LRRC58: variants seen among roughly 807,000 people sequenced by gnomAD.
The protein encoded by LRRC58 is leucine-rich repeat-containing protein 58.
A neutral mutation model predicts 30.6 loss-of-function variants in LRRC58; 18 were observed. That is an observed-to-expected ratio of 0.59 (90% CI 0.41 to 0.87). The LOEUF (loss-of-function observed/expected upper bound fraction) is 0.87, where lower values mean the gene tolerates loss of function less well. Among genes scored for constraint, LRRC58 ranks in the 40% least tolerant of loss-of-function variants. The pLI is 0.00. For synonymous variants in LRRC58, 221 were observed against 206.0 expected, an observed-to-expected ratio of 1.07 and a Z score of -0.62; for missense variants, 420 against 468.4, an observed-to-expected ratio of 0.90 and a Z score of 0.95.
intron 1 of LRRC58, among the ~76,000 whole-genome samples, chr3:120,340,261 T>G (rs537805145): frequency 6.6e-6 from 1 of 152,340 alleles, no homozygotes; most frequent in East Asian, 1.9e-4. Flanking sequence ...GGAAAATAAC[T>G]CAGTAAAATC....
rs1394923716 is a variant in LRRC58 at position 120,349,214 on chromosome 3, C to G, written c.30G>C (p.Thr10=). The G allele has an allele frequency of 2.1e-6, 3 of 1,433,132 alleles. No individual in the cohort carries two copies. The African/African-American group carries it at 4.5e-5, about 21-fold the overall frequency. The allele number at this position is 1,433,132 out of a possible 1,614,324, so 88.8% of individuals were successfully genotyped here. The change falls in exon 1 of 4, where the codon ACG becomes ACC. Residue 10 remains threonine (T), a synonymous_variant. Transcript: ENST00000295628. ...ACCAGTTCAGTTCGGCCTCCCCGGCCGTGACCACCGCTGCTCCGGCCTCCT... is the reference window on the plus strand; with the variant it reads ...ACCAGTTCAGTTCGGCCTCCCCGGCGGTGACCACCGCTGCTCCGGCCTCCT... The part of the protein sequence containing the change: MEEAGAAVV[T]AGEAELNWSR...
intron 1 of LRRC58, among the ~76,000 whole-genome samples, chr3:120,346,403 T>A (rs973397765): frequency 3.9e-5 from 6 of 152,198 alleles, no homozygotes; most frequent in African/African-American, 1.4e-4. Context: ...TCAAATACAG[T>A]TCCAATGCTT....
At chr3:120,339,897 T>C (rs1206795702) in intron 1 of LRRC58, among the ~76,000 whole-genome samples, 1 of 152,178 alleles carries the variant, frequency 6.6e-6, no homozygotes, top group Non-Finnish European at 1.5e-5. Flanking sequence ...GGAGTCTTGC[T>C]CTGTTACCTA....
At chr3:120,347,144 T>C (rs1935978180) in intron 1 of LRRC58, among the ~76,000 whole-genome samples, 1 of 152,186 alleles carries the variant, frequency 6.6e-6, no homozygotes, top group Non-Finnish European at 1.5e-5. Context: ...CATAGTTAGT[T>C]GTTTAATGTC....
Position 120,328,232 on chromosome 3 carries a change from A to T in LRRC58, c.*2968T>A, listed in dbSNP as rs1401801297. On this transcript the variant is annotated 3_prime_UTR_variant, in exon 4 of 4. Coordinates refer to ENST00000295628, the MANE Select transcript of LRRC58 (RefSeq NM_001099678.2). ...GCCAGCTGGTCCTTAATGTCAGCCA[A>T]TCCCTGGCACCCTGGAATCAATGTA... The T allele has an allele frequency of 1.3e-5, 2 of 152,186 alleles. No homozygotes were observed. The highest frequency in any genetic ancestry group is 4.8e-5 in the African/African-American group (2 of 41,438). The allele number at this position is 152,186 out of a possible 1,614,324, so 9.4% of individuals were successfully genotyped here. A position where few individuals can be genotyped will look rare whatever the true frequency, so the allele number is the denominator to read the frequency against.
intron 1 of LRRC58, among the ~76,000 whole-genome samples, chr3:120,342,615 C>T (rs1935918039): frequency 6.6e-6 from 1 of 152,180 alleles, no homozygotes; most frequent in African/African-American, 2.4e-5. Context: ...CTTGAAGGGA[C>T]CACCTGCCTA....
At chr3:120,332,415 AT>A (rs1376914537) in intron 3 of LRRC58, among the ~76,000 whole-genome samples, 4 of 152,206 alleles carry the variant, frequency 2.6e-5, no homozygotes, top group Non-Finnish European at 4.4e-5. Flanking sequence ...TGTAGTAAGT[AT>A]AAAAAAGGCG....
chr3:120,347,683 G>A (rs1195275851), intron 1 of LRRC58, among the ~76,000 whole-genome samples: 2 of 152,030 alleles, frequency 1.3e-5, no homozygotes, highest in Non-Finnish European at 2.9e-5. Flanking sequence ...GAGCCACCGC[G>A]CCCGGCCTTC....
chr3:120,343,568 T>C (rs1050703706), intron 1 of LRRC58, among the ~76,000 whole-genome samples: 2 of 152,212 alleles, frequency 1.3e-5, no homozygotes, highest in Non-Finnish European at 2.9e-5. Flanking sequence ...GACCTTAAAA[T>C]TGTCTCTTGA....
intron 1 of LRRC58, 24 bp downstream of exon 1, chr3:120,348,715 TCCCCA>T: frequency 6.6e-7 from 1 of 1,512,358 alleles, no homozygotes; most frequent in Non-Finnish European, 8.9e-7. Context: ...GCCCGAGGCC[TCCCCA>T]CCCTCCGGCA....
intron 3 of LRRC58, among the ~76,000 whole-genome samples, chr3:120,331,996 G>A (rs1399948785): frequency 3.9e-5 from 6 of 152,146 alleles, no homozygotes; most frequent in African/African-American, 4.8e-5. Context: ...ATTACACATC[G>A]TCAGGTAAAC....
rs759033325 is a variant in LRRC58 at position 120,348,813 on chromosome 3, G to T, written c.431C>A (p.Ala144Glu). ...EVPASLLELRALQTLSLGGNQ... is the reference protein window; with the variant it reads ...EVPASLLELRELQTLSLGGNQ... ...GCCGCCCAGGCTCAGGGTCTGCAGC[G>T]CGCGCAGCTCTAAGAGCGAGGCAGG... Residue 144 changes from alanine (A) to glutamate (E), a missense_variant, in exon 1 of 4, where the codon GCG becomes GAG. Around this residue, in one of 2 missense-constraint regions of LRRC58, gnomAD observed 266 missense variants for 251.7 expected, o/e 1.06. Transcript: ENST00000295628. 24 of 1,607,392 alleles carry T rather than the reference G, an allele frequency of 1.5e-5. No individual in the cohort carries two copies. In the Middle Eastern group the frequency reaches 8.2e-4, roughly 55 times the overall value.
chr3:120,348,640 T>A, intron 1 of LRRC58, 104 bp downstream of exon 1: 4 of 1,323,480 alleles, frequency 3.0e-6, no homozygotes, highest in Middle Eastern at 4.9e-4. Flanking sequence ...AAGAGAAAGC[T>A]TGGAAATAGT....
In LRRC58 at chr3:120,324,527, T is replaced by TATTC. The variant is rs1935646574; in HGVS notation, c.*6672_*6673insGAAT. 6.6e-6 allele frequency: 1 copy of TATTC among 152,220 alleles called. No individual in the cohort carries two copies. Among genetic ancestry groups the TATTC allele is most frequent in the Non-Finnish European group, 1.5e-5 (1 of 68,040 alleles). 9.4% of individuals were successfully genotyped at this position (152,220 alleles called of 1,614,324 possible). On this transcript the variant is annotated 3_prime_UTR_variant, in exon 4 of 4. Coordinates refer to ENST00000295628, the MANE Select transcript of LRRC58 (RefSeq NM_001099678.2). ...AACAGAGTCAATGTTAGTACATATTTAATGTATGTATTCAATGATGTAACA... is the reference window on the plus strand; with the variant it reads ...AACAGAGTCAATGTTAGTACATATTTATTCAATGTATGTATTCAATGATGTAACA...
chr3:120,341,916 G>C (rs1559995314), intron 1 of LRRC58, among the ~76,000 whole-genome samples: 1 of 152,126 alleles, frequency 6.6e-6, no homozygotes, highest in African/African-American at 2.4e-5. Context: ...GTGCTCTAGG[G>C]GGAGGGCTGG....
intron 3 of LRRC58, 104 bp from the exon 4 acceptor site, chr3:120,331,512 T>C (rs1935757541): frequency 1.2e-6 from 1 of 831,042 alleles, no homozygotes; most frequent in African/African-American, 1.7e-5. Flanking sequence ...CACCATCTTC[T>C]GTTATGAATC....
Position 120,330,549 on chromosome 3 carries a change from A to T in LRRC58, c.*651T>A, listed in dbSNP as rs908250023. ...CATTGCTAGATTACATAAGGTTAAT[A>T]GCAATCATATAGAACAAAGGATAAT... On this transcript the variant is annotated 3_prime_UTR_variant, in exon 4 of 4. Coordinates refer to ENST00000295628, the MANE Select transcript of LRRC58 (RefSeq NM_001099678.2). The T allele has an allele frequency of 2.0e-5, 3 of 152,230 alleles. No individual in the cohort carries two copies. Among genetic ancestry groups the T allele is most frequent in the African/African-American group, 7.2e-5 (3 of 41,468 alleles). 9.4% of individuals were successfully genotyped at this position (152,230 alleles called of 1,614,324 possible).
At chr3:120,336,573 T>C (rs1276764479) in intron 1 of LRRC58, among the ~76,000 whole-genome samples, 1 of 152,190 alleles carries the variant, frequency 6.6e-6, no homozygotes, top group Admixed American at 6.5e-5. Context: ...TTGAATAGAC[T>C]GTAAAACTAT....
At chr3:120,343,412 T>A (rs143521176) in intron 1 of LRRC58, among the ~76,000 whole-genome samples, 7 of 152,350 alleles carry the variant, frequency 4.6e-5, no homozygotes, top group African/African-American at 1.7e-4. Flanking sequence ...AGGGTTTAAG[T>A]TCTTGTGGTT....
Sources: gnomAD v4.1 joint callset for allele counts (sites outside exome capture counted in the v4.1 genomes callset) on GRCh38, gnomAD v4.1.1 for gene constraint, gnomAD v4.1.1 regional missense constraint, MANE v1.5 for transcripts, NCBI Gene and HGNC (gene_info 2026-07-23, HGNC 2026-07-21) for gene names.